Variants in PTPRB observed in about 807,000 individuals in gnomAD.
PTPRB encodes the protein receptor-type tyrosine-protein phosphatase beta.
Under a neutral mutation model 238.1 loss-of-function variants are expected in PTPRB, and 97 were observed. The ratio of observed to expected loss-of-function variants is 0.41; its 90% CI spans 0.35 to 0.48. The LOEUF (loss-of-function observed/expected upper bound fraction) is 0.48, where lower values mean the gene tolerates loss of function less well. Among genes scored for constraint, PTPRB ranks in the 20% least tolerant of loss-of-function variants. The pLI is 0.30. For missense variants in PTPRB, 2,292 were observed against 2,681.9 expected, an observed-to-expected ratio of 0.85 and a Z score of 3.21; for synonymous variants, 970 against 995.4, an observed-to-expected ratio of 0.97 and a Z score of 0.48.
chr12:70,572,432 A>G (rs1488970370), intron 11 of PTPRB, among the ~76,000 whole-genome samples: 1 of 152,130 alleles, frequency 6.6e-6, no homozygotes, highest in Admixed American at 6.6e-5. Flanking sequence ...CTGACTCAAA[A>G]GTTACTAAGA....
intron 15 of PTPRB, among the ~76,000 whole-genome samples, chr12:70,564,842 TAAA>T (rs758097791): frequency 1.6e-5 from 2 of 126,766 alleles, no homozygotes; most frequent in African/African-American, 6.2e-5. Flanking sequence ...CCAAAAATAA[TAAA>T]TAATAATAAT....
chr12:70,600,032 A>G (rs1883347287), intron 4 of PTPRB, among the ~76,000 whole-genome samples: 1 of 151,842 alleles, frequency 6.6e-6, no homozygotes, highest in South Asian at 2.1e-4. Context: ...TATTTATAGC[A>G]CAAATGATAT....
Position 70,534,671 on chromosome 12 carries a change from G to C in PTPRB, c.6205-20C>G. 1 of 1,608,996 alleles carries C rather than the reference G, an allele frequency of 6.2e-7. No homozygotes were observed. The highest frequency in any genetic ancestry group is 8.5e-7 in the Non-Finnish European group (1 of 1,177,500). On this transcript the variant is annotated intron_variant, in intron 30 of 33. Coordinates refer to ENST00000334414, the MANE Select transcript of PTPRB (RefSeq NM_001109754.4). ...TTCCTCCTGTAAGAGCAGAGAGCAG[G>C]ATAAAAGAGGAACTGTCCAATGCAA... is the stretch of plus-strand genomic sequence containing the variant.
intron 2 of PTPRB, among the ~76,000 whole-genome samples, chr12:70,626,707 A>T (rs939450850): frequency 6.6e-6 from 1 of 151,984 alleles, no homozygotes; most frequent in Non-Finnish European, 1.5e-5. Context: ...GCATCCTTGG[A>T]TTTTGATGTC....
At position 70,630,260 on chromosome 12, in the gene PTPRB, C is replaced by A. The variant is rs895266281; in HGVS notation, c.451+5411G>T. Among the ~76,000 whole-genome samples the A allele has an allele frequency of 6.8e-4, 104 of 152,178 alleles. 1 individual carries two copies. Among genetic ancestry groups the A allele is most frequent in the Non-Finnish European group, 2.9e-4 (20 of 68,036 alleles). Reference sequence around the variant, plus strand: ...TCATCCCTGGGATGCAAGGCTGGTTCAACATATGCAAATCAATAAATGTAA... The same window carrying A: ...TCATCCCTGGGATGCAAGGCTGGTTAAACATATGCAAATCAATAAATGTAA... On this transcript the variant is annotated intron_variant, in intron 2 of 33. Coordinates refer to ENST00000334414, the MANE Select transcript of PTPRB (RefSeq NM_001109754.4).
rs1390933910 is a variant in PTPRB at position 70,576,559 on chromosome 12, C to T, written c.2665G>A (p.Val889Met). The change falls in exon 11 of 34, where the codon GTG becomes ATG. Residue 889 changes from valine (V) to methionine (M), a missense_variant. This residue lies in a region of PTPRB where 1,205 missense variants were observed against 1,287.8 expected (regional missense o/e 0.94). Transcript: ENST00000334414. The part of the protein sequence containing the change: ...SVSWLLAPGD[V>M]DNYEVTLSHD... ...GACAATGTTACCTCATAGTTATCCA[C>T]ATCTCCGGGCGCCAGCAGCCAGGAA... The T allele has an allele frequency of 1.3e-6, 2 of 1,553,622 alleles. No individual in the cohort carries two copies. Among genetic ancestry groups the T allele is most frequent in the South Asian group, 1.2e-5 (1 of 84,254 alleles).
intron 20 of PTPRB, among the ~76,000 whole-genome samples, chr12:70,553,881 G>A (rs988261522): frequency 1.4e-4 from 21 of 152,154 alleles, no homozygotes; most frequent in African/African-American, 4.3e-4. Flanking sequence ...GAGATGGATT[G>A]TTATCTTAGC....
At chr12:70,574,945 C>T (rs1880520208) in intron 11 of PTPRB, among the ~76,000 whole-genome samples, 1 of 152,162 alleles carries the variant, frequency 6.6e-6, no homozygotes, top group Non-Finnish European at 1.5e-5. Flanking sequence ...TGGTAGGAAG[C>T]AAGGGGTTGG....
chr12:70,594,352 C>T, intron 6 of PTPRB, 115 bp downstream of exon 6: 1 of 1,359,568 alleles, frequency 7.4e-7, no homozygotes, highest in Non-Finnish European at 1.0e-6. Context: ...GTCTTCTATA[C>T]CTTATAAGAA....
At chr12:70,613,881 T>C (rs1231206677) in intron 3 of PTPRB, among the ~76,000 whole-genome samples, 1 of 152,040 alleles carries the variant, frequency 6.6e-6, no homozygotes, top group Non-Finnish European at 1.5e-5. Context: ...TTAGAATGAA[T>C]GTTTAGAATC....
intron 2 of PTPRB, among the ~76,000 whole-genome samples, chr12:70,623,975 T>C (rs1319922210): frequency 6.6e-6 from 1 of 152,170 alleles, no homozygotes; most frequent in East Asian, 1.9e-4. Flanking sequence ...GGAAAAGGTA[T>C]TTTTATAATT....
intron 2 of PTPRB, among the ~76,000 whole-genome samples, chr12:70,627,648 T>C (rs1566024182): frequency 6.6e-6 from 1 of 152,168 alleles, no homozygotes; most frequent in East Asian, 1.9e-4. Context: ...CTGAATATGG[T>C]TGGGGAATGC....
intron 4 of PTPRB, among the ~76,000 whole-genome samples, chr12:70,604,728 G>A (rs1472967326): frequency 6.6e-6 from 1 of 152,108 alleles, no homozygotes; most frequent in Non-Finnish European, 1.5e-5. Flanking sequence ...GTTAAAATGG[G>A]GCCATTAGAG....
intron 33 of PTPRB, among the ~76,000 whole-genome samples, chr12:70,522,863 C>CTTTTTTTTTTTTTTTTTT (rs35913444): frequency 1.0e-4 from 12 of 118,236 alleles, no homozygotes; most frequent in East Asian, 2.4e-4. Flanking sequence ...TTTGTTTTTT[C>CTTTTTTTTTTTTTTTTTT]TTTTTTTTTT....
At chr12:70,562,423 G>A (rs1460507998) in intron 16 of PTPRB, among the ~76,000 whole-genome samples, 2 of 152,206 alleles carry the variant, frequency 1.3e-5, no homozygotes, top group African/African-American at 4.8e-5. Flanking sequence ...CTAGCGCTGT[G>A]TTTCTAATTC....
chr12:70,604,505 T>C (rs1476323913), intron 4 of PTPRB, among the ~76,000 whole-genome samples: 1 of 152,192 alleles, frequency 6.6e-6, no homozygotes, highest in African/African-American at 2.4e-5. Context: ...TCTAATTCTT[T>C]CCATGTGGGG....
chr12:70,524,939 GTA>G (rs1297542706), intron 32 of PTPRB, among the ~76,000 whole-genome samples: 17 of 148,202 alleles, frequency 1.1e-4, no homozygotes, highest in South Asian at 2.1e-4. Context: ...GTATATGTAT[GTA>G]TATATATGTG....
rs149293150 is a variant in PTPRB at position 70,581,296 on chromosome 12, G to T, written c.2318C>A (p.Ala773Asp). Residue 773 changes from alanine to aspartate, a missense_variant, in exon 10 of 34, where the codon GCC (alanine) becomes GAC (aspartate). Ala to Asp is a moderately radical substitution (Grantham distance 126). Coordinates refer to ENST00000334414, the MANE Select transcript of PTPRB (RefSeq NM_001109754.4). ...SSSVKGRTVP[A>D]QVTDLHVANQ... The stretch of plus-strand genomic sequence containing the variant: ...GGCCACATGCAAGTCAGTCACTTGG[G>T]CAGGCACTAAAACAGTAGACAGAAG... 1 of 1,612,164 alleles carries T rather than the reference G, an allele frequency of 6.2e-7. No homozygotes were observed. Among genetic ancestry groups the T allele is most frequent in the African/African-American group, 1.3e-5 (1 of 74,976 alleles).
chr12:70,601,562 A>T (rs1372662256), intron 4 of PTPRB, among the ~76,000 whole-genome samples: 1 of 152,106 alleles, frequency 6.6e-6, no homozygotes, highest in African/African-American at 2.4e-5. Flanking sequence ...ACTTGATTGG[A>T]ACTGCATTTA....
Sources: allele counts gnomAD v4.1 joint callset (sites outside exome capture counted in the v4.1 genomes callset), GRCh38; gene constraint gnomAD v4.1.1; regional missense constraint gnomAD v4.1.1; transcripts MANE v1.5; gene names NCBI Gene and HGNC (gene_info 2026-07-23, HGNC 2026-07-21).